LGR5: variants seen among roughly 807,000 people sequenced by gnomAD.
LGR5 encodes leucine rich repeat containing G protein-coupled receptor 5, also known as leucine-rich repeat-containing G protein-coupled receptor 5.
A neutral mutation model predicts 76.7 loss-of-function variants in LGR5; 54 were observed. The ratio of observed to expected loss-of-function variants is 0.70; its 90% CI spans 0.57 to 0.88. The LOEUF (loss-of-function observed/expected upper bound fraction) is 0.88, where lower values mean the gene tolerates loss of function less well. Among genes scored for constraint, LGR5 ranks in the 40% least tolerant of loss-of-function variants. The pLI, the probability that LGR5 is intolerant of heterozygous loss-of-function variation, is 0.00. For missense variants in LGR5, 1,078 were observed against 1,073.3 expected (o/e 1.00, Z -0.06); for synonymous variants, 406 against 421.9 (o/e 0.96, Z 0.46).
chr12:71,581,013 C>T (rs916925131), intron 16 of LGR5, among the ~76,000 whole-genome samples: 1 of 152,122 alleles, frequency 6.6e-6, no homozygotes, highest in Non-Finnish European at 1.5e-5. Flanking sequence ...ATATACTGTC[C>T]TCAGGGGTGA....
intron 11 of LGR5, among the ~76,000 whole-genome samples, chr12:71,570,898 A>C (rs1878579875): frequency 6.6e-6 from 1 of 152,142 alleles, no homozygotes; most frequent in African/African-American, 2.4e-5. Context: ...TATCTATGTT[A>C]CGTTATCTAC....
intron 1 of LGR5, among the ~76,000 whole-genome samples, chr12:71,453,043 A>G (rs917052288): frequency 4.6e-5 from 7 of 152,190 alleles, no homozygotes; most frequent in African/African-American, 1.7e-4. Context: ...CTGAATGTTT[A>G]AAAGTATAAG....
intron 4 of LGR5, among the ~76,000 whole-genome samples, chr12:71,548,905 T>C (rs1877335141): frequency 6.6e-6 from 1 of 152,118 alleles, no homozygotes; most frequent in African/African-American, 2.4e-5. Flanking sequence ...AGCAGAACTA[T>C]ATAGTGTAGT....
At chr12:71,520,674 A>C (rs1875682161) in intron 2 of LGR5, among the ~76,000 whole-genome samples, 1 of 145,128 alleles carries the variant, frequency 6.9e-6, no homozygotes, top group Non-Finnish European at 1.5e-5. Flanking sequence ...CAGTGAGAAC[A>C]GATGGACACA....
intron 4 of LGR5, among the ~76,000 whole-genome samples, chr12:71,549,372 A>G (rs139508970): frequency 9.5e-4 from 144 of 152,304 alleles, no homozygotes; most frequent in Non-Finnish European, 1.8e-3. Flanking sequence ...CTGAAGAGCC[A>G]TTGTATGGCA....
intron 15 of LGR5, among the ~76,000 whole-genome samples, chr12:71,579,536 T>C (rs1258749691): frequency 6.6e-6 from 1 of 152,226 alleles, no homozygotes; most frequent in Non-Finnish European, 1.5e-5. Flanking sequence ...TTGGTGTTTA[T>C]ATTTATGGGG....
At chr12:71,475,605 T>C (rs76320272) in intron 1 of LGR5, among the ~76,000 whole-genome samples, 2,737 of 152,312 alleles carry the variant, frequency 0.018, 105 homozygotes, top group African/African-American at 0.063. Context: ...CTCTTGTACA[T>C]GCTGTTCTCC....
chr12:71,463,851 G>T (rs1872763641), intron 1 of LGR5, among the ~76,000 whole-genome samples: 1 of 151,908 alleles, frequency 6.6e-6, no homozygotes, highest in Non-Finnish European at 1.5e-5. Context: ...ATATATGTGT[G>T]TGTATATATA....
chr12:71,482,526 T>C (rs1202536325), intron 1 of LGR5, among the ~76,000 whole-genome samples: 1 of 151,078 alleles, frequency 6.6e-6, no homozygotes, highest in Non-Finnish European at 1.5e-5. Context: ...TTAAAGACAC[T>C]ATCTACAAAA....
At chr12:71,516,745 T>A (rs2137326721) in intron 2 of LGR5, among the ~76,000 whole-genome samples, 1 of 152,332 alleles carries the variant, frequency 6.6e-6, no homozygotes, top group Non-Finnish European at 1.5e-5. Context: ...ATCTACCTGT[T>A]TGATTTATCG....
intron 1 of LGR5, among the ~76,000 whole-genome samples, chr12:71,474,120 T>A: frequency 6.9e-6 from 1 of 145,914 alleles, no homozygotes; most frequent in Non-Finnish European, 1.5e-5. Flanking sequence ...GTTGAATATA[T>A]ATTTCAATTC....
chr12:71,519,365 G>A lies in LGR5; in HGVS notation c.285-5041G>A, dbSNP rs77669896. ...CTCTCTATCCCTTTGCCTTGATTTT[G>A]CTTTTTTCAGAGCATTTTTCATGTT... On this transcript the variant is annotated intron_variant, in intron 2 of 17. Coordinates refer to ENST00000266674, the MANE Select transcript of LGR5 (RefSeq NM_003667.4). Among the ~76,000 whole-genome samples the A allele has an allele frequency of 1.4e-4, 22 of 152,186 alleles. 1 individual carries two copies. In the East Asian group the frequency reaches 3.7e-3, roughly 25 times the overall value.
At chr12:71,478,099 C>T (rs7972510) in intron 1 of LGR5, among the ~76,000 whole-genome samples, 37,760 of 152,012 alleles carry the variant, frequency 0.25, 6,202 homozygotes, top group African/African-American at 0.47. Context: ...ATAACTTACA[C>T]TGACATTTTG....
At chr12:71,580,549 A>C in intron 16 of LGR5, 126 bp downstream of exon 16, 1 of 937,500 alleles carries the variant, frequency 1.1e-6, no homozygotes, top group Non-Finnish European at 1.6e-6. Flanking sequence ...TAATCCCAAC[A>C]GTTTGGGAGG....
intron 17 of LGR5, chr12:71,583,415 T>G: frequency 2.0e-6 from 1 of 509,204 alleles, no homozygotes; most frequent in Non-Finnish European, 3.4e-6. Context: ...TTCTCATTTC[T>G]CCATCAATAC....
At chr12:71,541,668 G>A (rs1876887279) in intron 4 of LGR5, among the ~76,000 whole-genome samples, 1 of 152,212 alleles carries the variant, frequency 6.6e-6, no homozygotes, top group Non-Finnish European at 1.5e-5. Flanking sequence ...TTACTAAACA[G>A]TTTTACTTCC....
chr12:71,501,001 C>T (rs559759175), intron 1 of LGR5, among the ~76,000 whole-genome samples: 1 of 152,292 alleles, frequency 6.6e-6, no homozygotes, highest in South Asian at 2.1e-4. Context: ...AAATTAATTT[C>T]TACATCTTGA....
At chr12:71,556,981 A>G (rs940141488) in intron 6 of LGR5, among the ~76,000 whole-genome samples, 1 of 152,056 alleles carries the variant, frequency 6.6e-6, no homozygotes, top group African/African-American at 2.4e-5. Flanking sequence ...AGTCTCTGTC[A>G]AGGATCACTC....
At position 71,495,912 on chromosome 12, in the gene LGR5, C is replaced by G. The variant is rs1038378752; in HGVS notation, c.213-8702C>G. Reference sequence around the variant, plus strand: ...CAGCAAGTATGTTTTACTTCTAATTCAAAGGTCATCAAATAAGATAAAATG... The same window carrying G: ...CAGCAAGTATGTTTTACTTCTAATTGAAAGGTCATCAAATAAGATAAAATG... On this transcript the variant is annotated intron_variant, in intron 1 of 17. Coordinates refer to ENST00000266674, the MANE Select transcript of LGR5 (RefSeq NM_003667.4). Among the ~76,000 whole-genome samples, 5 of 151,986 alleles carry G rather than the reference C, an allele frequency of 3.3e-5. No homozygotes were observed. The South Asian group carries it at 1.0e-3, about 32-fold the overall frequency.
Sources: gnomAD v4.1 joint callset for allele counts (sites outside exome capture counted in the v4.1 genomes callset) on GRCh38, gnomAD v4.1.1 for gene constraint, MANE v1.5 for transcripts, NCBI Gene and HGNC (gene_info 2026-07-23, HGNC 2026-07-21) for gene names.